Variants in SNTG1 observed in about 807,000 individuals in gnomAD.
SNTG1 encodes syntrophin gamma 1.
In SNTG1, 39 loss-of-function variants were observed where a neutral mutation model predicts 74.7. The ratio of observed to expected loss-of-function variants is 0.52; its 90% CI spans 0.40 to 0.68. The LOEUF is 0.68. Ranked by LOEUF, SNTG1 falls within the 30% of genes least tolerant of loss-of-function variation. The pLI is 0.00. For missense variants in SNTG1, 685 were observed against 609.5 expected (o/e 1.12, Z -1.30); for synonymous variants, 254 against 217.1 (o/e 1.17, Z -1.49).
At chr8:50,528,572 C>A (rs370350236) in intron 9 of SNTG1, among the ~76,000 whole-genome samples, 2 of 151,628 alleles carry the variant, frequency 1.3e-5, no homozygotes, top group Non-Finnish European at 3.0e-5. Flanking sequence ...ATATTGTTTA[C>A]ATTTTTCTTT....
At chr8:50,319,034 G>A (rs550228744) in intron 2 of SNTG1, among the ~76,000 whole-genome samples, 2 of 151,820 alleles carry the variant, frequency 1.3e-5, no homozygotes, top group South Asian at 2.1e-4. Flanking sequence ...ACACATATAT[G>A]TGAGTATATA....
intron 2 of SNTG1, among the ~76,000 whole-genome samples, chr8:50,209,000 G>A (rs1208900510): frequency 6.6e-6 from 1 of 152,158 alleles, no homozygotes; most frequent in Non-Finnish European, 1.5e-5. Context: ...AGCTGTGACA[G>A]ATGGTGCCTG....
chr8:50,694,388 G>GA (rs2095395597), intron 15 of SNTG1, among the ~76,000 whole-genome samples: 1 of 151,982 alleles, frequency 6.6e-6, no homozygotes, highest in Admixed American at 6.6e-5. Context: ...AGTAAATGCT[G>GA]AAAAAATAAA....
At chr8:50,782,492 C>T (rs565637536) in intron 18 of SNTG1, among the ~76,000 whole-genome samples, 27 of 152,312 alleles carry the variant, frequency 1.8e-4, no homozygotes, top group African/African-American at 2.6e-4. Flanking sequence ...TCCAGTTGAT[C>T]GCATTGGCTC....
At chr8:50,093,388 T>C (rs1433390535) in intron 1 of SNTG1, among the ~76,000 whole-genome samples, 1 of 152,152 alleles carries the variant, frequency 6.6e-6, no homozygotes, top group Non-Finnish European at 1.5e-5. Context: ...CATTACCTAA[T>C]ATTATAATAT....
intron 11 of SNTG1, among the ~76,000 whole-genome samples, chr8:50,548,946 G>A (rs746399206): frequency 2.0e-5 from 3 of 152,098 alleles, no homozygotes; most frequent in Non-Finnish European, 2.9e-5. Flanking sequence ...CACGACCAGA[G>A]GAACTGCGGG....
chr8:50,635,404 G>A (rs1374021502), intron 13 of SNTG1, among the ~76,000 whole-genome samples: 4 of 152,160 alleles, frequency 2.6e-5, no homozygotes, highest in African/African-American at 4.8e-5. Context: ...CCCTAGGCTG[G>A]TTTAGAGATG....
At chr8:50,646,317 A>G (rs2095108848) in intron 13 of SNTG1, among the ~76,000 whole-genome samples, 1 of 152,186 alleles carries the variant, frequency 6.6e-6, no homozygotes, top group Non-Finnish European at 1.5e-5. Context: ...ATTGAGAGGT[A>G]GGTTCCACCC....
chr8:50,683,412 G>C (rs892923393), intron 15 of SNTG1, among the ~76,000 whole-genome samples: 2 of 152,090 alleles, frequency 1.3e-5, no homozygotes, highest in Non-Finnish European at 2.9e-5. Context: ...TTTAGAAGAG[G>C]ACTCAGAAGC....
intron 1 of SNTG1, among the ~76,000 whole-genome samples, chr8:49,924,277 C>A (rs1806819013): frequency 6.6e-6 from 1 of 151,994 alleles, no homozygotes; most frequent in African/African-American, 2.4e-5. Context: ...GGTATATGTA[C>A]TTTATAGAGG....
rs558847648 is a variant in SNTG1 at position 50,454,567 on chromosome 8, C to T, written c.363+3838C>T. On this transcript the variant is annotated intron_variant, in intron 8 of 18. Transcript: ENST00000642720. ...TTGTCTGAGTGGCTGGGTGGCAGGGCGTGGTGGCTCACGCCTGTAATCCCA... is the reference window on the plus strand; with the variant it reads ...TTGTCTGAGTGGCTGGGTGGCAGGGTGTGGTGGCTCACGCCTGTAATCCCA... 1.8e-3 allele frequency among the ~76,000 whole-genome samples: 262 copies of T among 145,440 alleles called. 2 individuals carry two copies. The highest frequency in any genetic ancestry group is 5.7e-3 in the African/African-American group (225 of 39,370).
At chr8:50,245,542 G>A (rs1031405446) in intron 2 of SNTG1, among the ~76,000 whole-genome samples, 17 of 151,992 alleles carry the variant, frequency 1.1e-4, no homozygotes, top group Non-Finnish European at 1.5e-4. Flanking sequence ...AATTAGCTGG[G>A]CATGGTGGTG....
chr8:50,036,015 TAA>T (rs200498441), intron 1 of SNTG1, among the ~76,000 whole-genome samples: 1 of 151,390 alleles, frequency 6.6e-6, no homozygotes, highest in Non-Finnish European at 1.5e-5. Context: ...CCTGCAAAAT[TAA>T]AAAAAAATTG....
At chr8:50,388,188 A>G (rs2092603978) in intron 2 of SNTG1, among the ~76,000 whole-genome samples, 1 of 152,124 alleles carries the variant, frequency 6.6e-6, no homozygotes, top group Non-Finnish European at 1.5e-5. Context: ...TAGGCTAGTA[A>G]TTTGAAATCC....
intron 2 of SNTG1, among the ~76,000 whole-genome samples, chr8:50,377,606 A>G (rs1288202603): frequency 3.3e-5 from 5 of 152,302 alleles, no homozygotes; most frequent in South Asian, 2.1e-4. Flanking sequence ...TCAAATTTGC[A>G]TAATTAAAAA....
At chr8:49,943,753 T>TA (rs1284326665) in intron 1 of SNTG1, among the ~76,000 whole-genome samples, 1 of 152,254 alleles carries the variant, frequency 6.6e-6, no homozygotes, top group African/African-American at 2.4e-5. Context: ...CCTCTTCTTT[T>TA]AAAATGAGTC....
chr8:50,644,919 CT>C lies in SNTG1; in HGVS notation c.850-11973del, dbSNP rs36012475. Among the ~76,000 whole-genome samples the C allele has an allele frequency of 8.9e-3, 1,209 of 135,618 alleles. 6 individuals are homozygous for C. Among genetic ancestry groups the C allele is most frequent in the Middle Eastern group, 0.019 (5 of 262 alleles). 89.0% of individuals were successfully genotyped at this position (135,618 alleles called of 152,430 possible). A position where few individuals can be genotyped will look rare whatever the true frequency, so the allele number is the denominator to read the frequency against. On this transcript the variant is annotated intron_variant, in intron 13 of 18. Coordinates refer to ENST00000642720, the MANE Select transcript of SNTG1 (RefSeq NM_018967.5). The stretch of plus-strand genomic sequence containing the variant: ...AAGAAACACTTGCTATGCCCAGGTG[CT>C]TTTTTTTTTTTTTTTTCCTACAGAT...
At chr8:50,066,435 G>C (rs761191588) in intron 1 of SNTG1, among the ~76,000 whole-genome samples, 18 of 151,890 alleles carry the variant, frequency 1.2e-4, no homozygotes, top group Non-Finnish European at 1.0e-4. Context: ...CTTTATTTTT[G>C]TAGTGAGAAC....
chr8:50,187,806 C>T (rs1291708265), intron 2 of SNTG1, among the ~76,000 whole-genome samples: 1 of 152,090 alleles, frequency 6.6e-6, no homozygotes, highest in African/African-American at 2.4e-5. Context: ...CAAATCAATA[C>T]CTGTAGTAAG....
Sources: gnomAD v4.1 joint callset for allele counts (sites outside exome capture counted in the v4.1 genomes callset) on GRCh38, gnomAD v4.1.1 for gene constraint, MANE v1.5 for transcripts, NCBI Gene and HGNC (gene_info 2026-07-23, HGNC 2026-07-21) for gene names.